PCDH15: variants seen among roughly 807,000 people sequenced by gnomAD.
PCDH15 encodes the protein protocadherin related 15.
In PCDH15, 129 loss-of-function variants were observed where a neutral mutation model predicts 178.5. The ratio of observed to expected loss-of-function variants is 0.72; its 90% CI spans 0.63 to 0.84. The LOEUF (loss-of-function observed/expected upper bound fraction) is 0.84. PCDH15 is among the 40% of genes least tolerant of loss of function. The pLI is 0.00. For synonymous variants in PCDH15, 800 were observed against 732.0 expected, an observed-to-expected ratio of 1.09 and a Z score of -1.50; for missense variants, 2,230 against 2,099.9, an observed-to-expected ratio of 1.06 and a Z score of -1.21.
chr10:54,091,255 T>C (rs2094596374), intron 15 of PCDH15, among the ~76,000 whole-genome samples: 1 of 152,182 alleles, frequency 6.6e-6, no homozygotes, highest in Non-Finnish European at 1.5e-5. Flanking sequence ...GGGATATATC[T>C]GATAAAGGTT....
At chr10:54,595,996 T>C (rs1440532117) in intron 2 of PCDH15, among the ~76,000 whole-genome samples, 1 of 152,050 alleles carries the variant, frequency 6.6e-6, no homozygotes, top group Non-Finnish European at 1.5e-5. Context: ...GACTCATTGG[T>C]GTCCCCGAAA....
chr10:55,399,759 C>A (rs1838020516), intron 2 of PCDH15, among the ~76,000 whole-genome samples: 1 of 151,960 alleles, frequency 6.6e-6, no homozygotes, highest in South Asian at 2.1e-4. Context: ...TTCATCATAT[C>A]GGTGGGAGTA....
At chr10:54,836,061 C>A (rs1403387052) in intron 3 of PCDH15, among the ~76,000 whole-genome samples, 1 of 151,996 alleles carries the variant, frequency 6.6e-6, no homozygotes, top group Non-Finnish European at 1.5e-5. Context: ...TATTGCAACA[C>A]AAAAAAGTTC....
chr10:54,829,555 C>T (rs748435844), intron 3 of PCDH15, among the ~76,000 whole-genome samples: 6 of 151,908 alleles, frequency 3.9e-5, no homozygotes, highest in Non-Finnish European at 7.4e-5. Flanking sequence ...TTGCCAAAGT[C>T]GAACATCTAG....
intron 1 of PCDH15, among the ~76,000 whole-genome samples, chr10:54,684,935 A>G (rs1274703889): frequency 6.6e-6 from 1 of 151,968 alleles, no homozygotes; most frequent in Non-Finnish European, 1.5e-5. Context: ...TTAATTTTTA[A>G]CTTTTTTAGC....
chr10:55,620,186 T>C (rs1254865542), intron 2 of PCDH15, among the ~76,000 whole-genome samples: 1 of 152,088 alleles, frequency 6.6e-6, no homozygotes, highest in African/African-American at 2.4e-5. Context: ...ATCAGTATAT[T>C]GTGGTCCAGA....
At chr10:54,781,019 AG>A (rs1198774167) in intron 1 of PCDH15, among the ~76,000 whole-genome samples, 4 of 152,112 alleles carry the variant, frequency 2.6e-5, no homozygotes, top group Non-Finnish European at 5.9e-5. Flanking sequence ...AATATGGAGA[AG>A]TTTATCTTGG....
chr10:55,452,099 C>T (rs765672604), intron 2 of PCDH15, among the ~76,000 whole-genome samples: 1 of 151,620 alleles, frequency 6.6e-6, no homozygotes, highest in African/African-American at 2.4e-5. Flanking sequence ...TTTTGCATAC[C>T]CTTTTATTAG....
chr10:53,906,964 A>T (rs1378284462), intron 25 of PCDH15: 1 of 152,156 alleles, frequency 6.6e-6, no homozygotes, highest in African/African-American at 2.4e-5. Context: ...CACTGGGACA[A>T]TTATAAGAAA....
intron 2 of PCDH15, among the ~76,000 whole-genome samples, chr10:55,563,094 T>A (rs926897616): frequency 5.9e-5 from 9 of 151,868 alleles, no homozygotes; most frequent in Non-Finnish European, 7.4e-5. Flanking sequence ...AAAACTACCA[T>A]GAGCAAAAAG....
intron 2 of PCDH15, among the ~76,000 whole-genome samples, chr10:55,593,185 A>C (rs1842876109): frequency 6.6e-6 from 1 of 152,060 alleles, no homozygotes; most frequent in African/African-American, 2.4e-5. Flanking sequence ...ATACGTATAA[A>C]AGAAAAACTG....
intron 2 of PCDH15, among the ~76,000 whole-genome samples, chr10:55,369,666 C>T (rs1845452777): frequency 6.6e-6 from 1 of 151,926 alleles, no homozygotes; most frequent in Non-Finnish European, 1.5e-5. Context: ...TTGATACCTA[C>T]AAATTTAAAG....
intron 26 of PCDH15, among the ~76,000 whole-genome samples, chr10:53,874,781 T>C (rs777864898): frequency 6.6e-6 from 1 of 152,110 alleles, no homozygotes; most frequent in Non-Finnish European, 1.5e-5. Flanking sequence ...TTTAAATATT[T>C]GAATTAGTAG....
intron 1 of PCDH15, among the ~76,000 whole-genome samples, chr10:55,186,846 T>G (rs1378874444): frequency 6.6e-6 from 1 of 151,746 alleles, no homozygotes; most frequent in Non-Finnish European, 1.5e-5. Flanking sequence ...TGTTTTATGC[T>G]TCAGTACTTA....
chr10:53,961,648 AAGG>A (rs993450457), intron 22 of PCDH15, 101 bp downstream of exon 22: 10 of 859,964 alleles, frequency 1.2e-5, no homozygotes, highest in African/African-American at 5.3e-5. Context: ...AAAAATTAAA[AAGG>A]AGAAAAATTG....
At chr10:55,213,166 T>C (rs1403537088) in intron 1 of PCDH15, among the ~76,000 whole-genome samples, 1 of 152,106 alleles carries the variant, frequency 6.6e-6, no homozygotes, top group Non-Finnish European at 1.5e-5. Context: ...TCATCTGGCA[T>C]GGTTTTGGGA....
At chr10:55,624,396 AT>A (rs896484474) in intron 2 of PCDH15, among the ~76,000 whole-genome samples, 109 of 151,364 alleles carry the variant, frequency 7.2e-4, no homozygotes, top group African/African-American at 2.5e-3. Flanking sequence ...TGCAAGCTGC[AT>A]TTTTTTTTAA....
chr10:54,402,838 A>C (rs968250493), intron 3 of PCDH15, among the ~76,000 whole-genome samples: 1 of 151,944 alleles, frequency 6.6e-6, no homozygotes, highest in Non-Finnish European at 1.5e-5. Flanking sequence ...GTATTCCTTA[A>C]GACACAACAA....
chr10:54,816,843 T>C (rs942037977), intron 3 of PCDH15, among the ~76,000 whole-genome samples: 1 of 152,070 alleles, frequency 6.6e-6, no homozygotes, highest in Non-Finnish European at 1.5e-5. Context: ...CACTATCTAA[T>C]GGTATGAAAT....
Sources: gnomAD v4.1 joint callset for allele counts (sites outside exome capture counted in the v4.1 genomes callset) on GRCh38, gnomAD v4.1.1 for gene constraint, MANE v1.5 for transcripts, NCBI Gene and HGNC (gene_info 2026-07-23, HGNC 2026-07-21) for gene names.